ZNF570: variants seen among roughly 807,000 people sequenced by gnomAD.
The protein encoded by ZNF570 is zinc finger protein 570.
Under a neutral mutation model 14.2 loss-of-function variants are expected in ZNF570, and 8 were observed. The ratio of observed to expected loss-of-function variants is 0.56; its 90% CI spans 0.33 to 1.02. The LOEUF (loss-of-function observed/expected upper bound fraction) is 1.02, where lower values mean the gene tolerates loss of function less well. ZNF570 is among the 50% of genes least tolerant of loss of function. ZNF570 has a pLI of 0.03. For synonymous variants in ZNF570, 202 were observed against 207.6 expected, an observed-to-expected ratio of 0.97 and a Z score of 0.23; for missense variants, 559 against 624.9, an observed-to-expected ratio of 0.89 and a Z score of 1.12.
rs1365237980 is a variant in ZNF570 at position 37,484,849 on chromosome 19, T to C, written c.1227T>C (p.Thr409=). The change falls in exon 5 of 5, where the codon ACT becomes ACC. Residue 409 remains threonine, a synonymous_variant. Transcript: ENST00000330173. ...TTGCTCAACATCAGAGAATTCATACTGGAGAAAAACCTTATAAGTGTCAGG... is the reference window on the plus strand; with the variant it reads ...TTGCTCAACATCAGAGAATTCATACCGGAGAAAAACCTTATAAGTGTCAGG... ...SHLAQHQRIH[T]GEKPYKCQEC... 2 of 1,613,518 alleles carry C rather than the reference T, an allele frequency of 1.2e-6. No homozygotes were observed. The highest frequency in any genetic ancestry group is 1.7e-6 in the Non-Finnish European group (2 of 1,179,934).
intron 1 of ZNF570, 94 bp from the exon 2 acceptor site, chr19:37,470,210 C>A (rs2041932724): frequency 3.4e-6 from 4 of 1,169,114 alleles, no homozygotes; most frequent in East Asian, 2.4e-5. Context: ...GGGAAGGTTG[C>A]AAGAGGAGGA....
intron 2 of ZNF570, among the ~76,000 whole-genome samples, chr19:37,471,862 A>G (rs2041969017): frequency 6.6e-6 from 1 of 151,900 alleles, no homozygotes; most frequent in East Asian, 1.9e-4. Flanking sequence ...TAAGCTAAAC[A>G]TCTTCTATCA....
At chr19:37,468,010 G>T (rs1320390808), upstream of ZNF570, 5 of 1,389,878 alleles carry the variant, frequency 3.6e-6, no homozygotes, top group East Asian at 1.0e-4. Context: ...CTTCTAAACA[G>T]ACTTGGCCTT....
In ZNF570 at chr19:37,484,941, A is replaced by G; in HGVS notation, c.1319A>G (p.Lys440Arg). 1 of 1,614,000 alleles carries G rather than the reference A, an allele frequency of 6.2e-7. No homozygotes were observed. Among genetic ancestry groups the G allele is most frequent in the South Asian group, 1.1e-5 (1 of 91,064 alleles). ...CATCAAAGAGTTCATACTGGAGAGA[A>G]ACCCTATGAATGTATTGAATGTGGG... is the stretch of plus-strand genomic sequence containing the variant. ...AQHQRVHTGE[K>R]PYECIECGKA... The change falls in exon 5 of 5, where the codon AAA (lysine) becomes AGA (arginine). Residue 440 changes from lysine (K) to arginine (R), a missense_variant. By Grantham distance (26) the Lys-to-Arg change is conservative. Coordinates refer to ENST00000330173, the MANE Select transcript of ZNF570 (RefSeq NM_144694.5).
chr19:37,469,115 C>T (rs544926771), upstream of ZNF570: 339 of 1,068,070 alleles, frequency 3.2e-4, 3 homozygotes, highest in African/African-American at 5.3e-3. Context: ...TGTGACCGGG[C>T]CAGGCTCGGA....
upstream of ZNF570, chr19:37,467,778 C>T (rs921578998): frequency 1.6e-4 from 178 of 1,099,012 alleles, 2 homozygotes; most frequent in Non-Finnish European, 1.9e-4. Context: ...GGGCGAGAGA[C>T]CCTGTCCAGT....
intron 4 of ZNF570, among the ~76,000 whole-genome samples, chr19:37,483,019 G>C (rs2042105781): frequency 6.6e-6 from 1 of 152,044 alleles, no homozygotes; most frequent in Non-Finnish European, 1.5e-5. Flanking sequence ...CTCAGGTAGT[G>C]TCTTTACAGC....
chr19:37,476,485 G>T, intron 4 of ZNF570, 51 bp downstream of exon 4: 1 of 1,574,164 alleles, frequency 6.4e-7, no homozygotes, highest in South Asian at 1.2e-5. Context: ...AGCTCAGCTT[G>T]ACTCAAAGGT....
intron 4 of ZNF570, among the ~76,000 whole-genome samples, chr19:37,479,761 C>A (rs1023276776): frequency 2.0e-5 from 3 of 152,100 alleles, no homozygotes; most frequent in African/African-American, 7.2e-5. Flanking sequence ...TAGTGACTAT[C>A]TGATTAAGCA....
In ZNF570 at chr19:37,484,794, G is replaced by A; in HGVS notation, c.1172G>A (p.Cys391Tyr). ...GAGAGACCCTATGAATGTAAGGAAT[G>A]TGGGAAGGCCTTTAGCCAGAATTCA... The part of the protein sequence containing the change: ...TGERPYECKE[C>Y]GKAFSQNSHL... Residue 391 changes from cysteine (C) to tyrosine (Y), a missense_variant, in exon 5 of 5, where the codon TGT becomes TAT. Coordinates refer to ENST00000330173, the MANE Select transcript of ZNF570 (RefSeq NM_144694.5). 6.2e-7 allele frequency: 1 copy of A among 1,614,004 alleles called. No homozygotes were observed. Among genetic ancestry groups the A allele is most frequent in the Non-Finnish European group, 8.5e-7 (1 of 1,179,998 alleles).
At chr19:37,473,357 C>T (rs2041990131) in intron 2 of ZNF570, among the ~76,000 whole-genome samples, 1 of 151,970 alleles carries the variant, frequency 6.6e-6, no homozygotes, top group African/African-American at 2.4e-5. Context: ...CAAGTGAGTA[C>T]AGTTAAGTGA....
rs1033687797 is a variant in ZNF570, at chr19:37,487,309, A to T, written c.*2076A>T. 6.6e-6 allele frequency: 1 copy of T among 152,132 alleles called. No homozygotes were observed. Among genetic ancestry groups the T allele is most frequent in the Non-Finnish European group, 1.5e-5 (1 of 68,008 alleles). 9.4% of individuals were successfully genotyped at this position (152,132 alleles called of 1,614,324 possible). A position where few individuals can be genotyped will look rare whatever the true frequency, so the allele number is the denominator to read the frequency against. ...AGTGTTCCATACTATAGAAAAATGT[A>T]AAGTTTTAAAATTATTTATCCAGTG... On this transcript the variant is annotated 3_prime_UTR_variant, in exon 5 of 5. Transcript: ENST00000330173.
In ZNF570 at chr19:37,471,009, A is replaced by ATTTTTTTTTTTTTTTTTTTTTTTTTT. The variant is rs764609936; in HGVS notation, c.33+642_33+643insTTTTTTTTTTTTTTTTTTTTTTTTTT. 5.9e-5 allele frequency among the ~76,000 whole-genome samples: 5 copies of ATTTTTTTTTTTTTTTTTTTTTTTTTT among 84,372 alleles called. 2 individuals carry two copies. The highest frequency in any genetic ancestry group is 2.9e-4 in the African/African-American group (5 of 17,342). The allele number at this position is 84,372 out of a possible 152,430, so 55.4% of individuals were successfully genotyped here. A position where few individuals can be genotyped will look rare whatever the true frequency, so the allele number is the denominator to read the frequency against. On this transcript the variant is annotated intron_variant, in intron 2 of 4. Transcript: ENST00000330173. ...GCTACCATGCCTGGCCAGTGAGTAC[A>ATTTTTTTTTTTTTTTTTTTTTTTTTT]TTTTTTTTTTTTTTTTTTTTGTTGA... is the stretch of plus-strand genomic sequence containing the variant.
chr19:37,473,007 G>T (rs952208337), intron 2 of ZNF570, among the ~76,000 whole-genome samples: 1 of 152,156 alleles, frequency 6.6e-6, no homozygotes, highest in African/African-American at 2.4e-5. Flanking sequence ...TACAAGCACA[G>T]GTGCAGGTGG....
upstream of ZNF570, among the ~76,000 whole-genome samples, chr19:37,468,291 G>A (rs983277399): frequency 6.6e-6 from 1 of 152,104 alleles, no homozygotes; most frequent in African/African-American, 2.4e-5. Context: ...GTCTCGCTAT[G>A]TTGCCCAGGC....
chr19:37,476,313 T>G, intron 3 of ZNF570, 26 bp from the exon 4 acceptor site: 1 of 1,611,920 alleles, frequency 6.2e-7, no homozygotes, highest in Non-Finnish European at 8.5e-7. Flanking sequence ...ATGACAAAAC[T>G]CTACTTTTTT....
chr19:37,487,297 A>G lies in ZNF570; in HGVS notation c.*2064A>G, dbSNP rs1002243135. 1 of 151,892 alleles carries G rather than the reference A, an allele frequency of 6.6e-6. No individual in the cohort carries two copies. Among genetic ancestry groups the G allele is most frequent in the African/African-American group, 2.4e-5 (1 of 41,360 alleles). The allele number at this position is 151,892 out of a possible 1,614,324, so 9.4% of individuals were successfully genotyped here. On this transcript the variant is annotated 3_prime_UTR_variant, in exon 5 of 5. Transcript: ENST00000330173. Reference sequence around the variant, plus strand: ...GAAGGCATGTAAAGTGTTCCATACTATAGAAAAATGTAAAGTTTTAAAATT... The same window carrying G: ...GAAGGCATGTAAAGTGTTCCATACTGTAGAAAAATGTAAAGTTTTAAAATT...
rs1465682489 is a variant in ZNF570 at position 37,486,240 on chromosome 19, T to G, written c.*1007T>G. 1 of 152,146 alleles carries G rather than the reference T, an allele frequency of 6.6e-6. No individual in the cohort carries two copies. The highest frequency in any genetic ancestry group is 2.4e-5 in the African/African-American group (1 of 41,444). The allele number at this position is 152,146 out of a possible 1,614,324, so 9.4% of individuals were successfully genotyped here. A position where few individuals can be genotyped will look rare whatever the true frequency, so the allele number is the denominator to read the frequency against. On this transcript the variant is annotated 3_prime_UTR_variant, in exon 5 of 5. Transcript: ENST00000330173. ...TCTTCTTCTTTGGGCACTAGGCACT[T>G]CCCAGGACTAAGAGCTTAGATTCTG... is the stretch of plus-strand genomic sequence containing the variant.
At chr19:37,481,231 G>A (rs1034933419) in intron 4 of ZNF570, among the ~76,000 whole-genome samples, 2 of 151,070 alleles carry the variant, frequency 1.3e-5, no homozygotes, top group Admixed American at 6.6e-5. Context: ...TCGGCTCACC[G>A]CAACCTCCCC....
Sources: allele counts gnomAD v4.1 joint callset (sites outside exome capture counted in the v4.1 genomes callset), GRCh38; gene constraint gnomAD v4.1.1; transcripts MANE v1.5; gene names NCBI Gene and HGNC (gene_info 2026-07-23, HGNC 2026-07-21).